Variants in DHX8 observed in about 807,000 individuals in gnomAD.
DHX8 encodes the protein ATP-dependent RNA helicase DHX8.
Under a neutral mutation model 140.7 loss-of-function variants are expected in DHX8, and 67 were observed. That is an observed-to-expected ratio of 0.48 (90% CI 0.39 to 0.58). The LOEUF (loss-of-function observed/expected upper bound fraction) is 0.58, where lower values mean the gene tolerates loss of function less well. DHX8 is among the 20% of genes least tolerant of loss of function. The pLI, the probability that DHX8 is intolerant of heterozygous loss-of-function variation, is 0.00. For missense variants in DHX8, 887 were observed against 1,550.7 expected (o/e 0.57, Z 7.19); for synonymous variants, 533 against 553.2 (o/e 0.96, Z 0.51).
chr17:43,523,639 A>T lies in DHX8; in HGVS notation c.3455A>T (p.His1152Leu), dbSNP rs570676257. 6.2e-7 allele frequency: 1 copy of T among 1,614,160 alleles called. No individual in the cohort carries two copies. The highest frequency in any genetic ancestry group is 8.5e-7 in the Non-Finnish European group (1 of 1,179,994). The change falls in exon 23 of 23, where the codon CAT becomes CTT. Residue 1152 changes from histidine to leucine, a missense_variant. His to Leu is a moderately conservative substitution (Grantham distance 99). Around this residue, in one of 9 missense-constraint regions of DHX8, gnomAD observed 101 missense variants for 168.2 expected, o/e 0.60. Transcript: ENST00000262415. ...CTGTCCCCCCTCAGGGTGGTGTACC[A>T]TGAGCTGGTGCTCACCACCAAGGAA... The part of the protein sequence containing the change: ...FNRQPEWVVY[H>L]ELVLTTKEYM...
intron 1 of DHX8, among the ~76,000 whole-genome samples, chr17:43,486,817 G>A (rs1968182159): frequency 6.6e-6 from 1 of 150,880 alleles, no homozygotes. Context: ...TGGGGAGGTT[G>A]CAGTGAGAGG....
chr17:43,530,396 G>C, downstream of DHX8: 1 of 1,431,426 alleles, frequency 7.0e-7, no homozygotes, highest in Non-Finnish European at 9.1e-7. Flanking sequence ...TGAGGGCTGC[G>C]GCTGAGGCCA....
intron 12 of DHX8, among the ~76,000 whole-genome samples, chr17:43,505,761 C>T (rs746857597): frequency 1.2e-4 from 18 of 151,994 alleles, no homozygotes; most frequent in Admixed American, 2.0e-4. Flanking sequence ...TAGAGTGCTT[C>T]GGTACTCTAT....
chr17:43,490,550 G>A, intron 3 of DHX8, 87 bp downstream of exon 3: 11 of 1,100,194 alleles, frequency 1.0e-5, no homozygotes, highest in Non-Finnish European at 1.5e-5. Flanking sequence ...CCTCTCAGCA[G>A]TTGCTGAGCA....
intron 2 of DHX8, chr17:43,533,338 G>A (rs1299418382): frequency 6.2e-7 from 1 of 1,613,156 alleles, no homozygotes; most frequent in South Asian, 1.1e-5. Context: ...TGTCTGGGGG[G>A]GTCATAGGCA....
chr17:43,501,674 G>A (rs1449995400), intron 11 of DHX8, among the ~76,000 whole-genome samples: 2 of 152,042 alleles, frequency 1.3e-5, no homozygotes, highest in African/African-American at 4.8e-5. Context: ...TAGTAGAGAC[G>A]AGGTTCCTCC....
chr17:43,497,506 C>CT (rs1415556875), intron 9 of DHX8, among the ~76,000 whole-genome samples: 2 of 152,064 alleles, frequency 1.3e-5, no homozygotes, highest in Non-Finnish European at 2.9e-5. Flanking sequence ...AATCCCAGCA[C>CT]TTTGGGAGGC....
At chr17:43,525,836 G>T (rs1384306336), downstream of DHX8, 3 of 985,208 alleles carry the variant, frequency 3.0e-6, no homozygotes, top group Non-Finnish European at 3.6e-6. Context: ...GGCCCAGCCT[G>T]TCCTGACTGA....
At chr17:43,531,140 G>T (rs1358182749), downstream of DHX8, among the ~76,000 whole-genome samples, 1 of 152,192 alleles carries the variant, frequency 6.6e-6, no homozygotes, top group Non-Finnish European at 1.5e-5. Flanking sequence ...AGCCTGGGGG[G>T]TTGTGGTTCA....
intron 8 of DHX8, among the ~76,000 whole-genome samples, chr17:43,495,572 C>G (rs1968807314): frequency 6.6e-6 from 1 of 152,184 alleles, no homozygotes; most frequent in African/African-American, 2.4e-5. Flanking sequence ...GCTGCCGTGT[C>G]TGGCCTACGT....
intron 1 of DHX8, 151 bp downstream of exon 1, chr17:43,484,336 T>A (rs1381431158): frequency 4.3e-6 from 4 of 939,940 alleles, no homozygotes; most frequent in Non-Finnish European, 6.3e-6. Flanking sequence ...GGGTACACGC[T>A]GCCGTGGCCT....
At position 43,523,692 on chromosome 17, in the gene DHX8, C is replaced by A; in HGVS notation, c.3508C>A (p.Pro1170Thr). 2 of 1,614,218 alleles carry A rather than the reference C, an allele frequency of 1.2e-6. No homozygotes were observed. Among genetic ancestry groups the A allele is most frequent in the Non-Finnish European group, 1.7e-6 (2 of 1,180,034 alleles). The change falls in exon 23 of 23, where the codon CCT becomes ACT. Residue 1170 changes from proline (P) to threonine (T), a missense_variant. Pro to Thr is a conservative substitution (Grantham distance 38). Around this residue, in one of 9 missense-constraint regions of DHX8, gnomAD observed 101 missense variants for 168.2 expected, o/e 0.60. Transcript: ENST00000262415. The stretch of plus-strand genomic sequence containing the variant: ...CATGCGTGAAGTTACCACCATCGAC[C>A]CTCGGTGGCTTGTGGAGTTTGCCCC... ...EYMREVTTID[P>T]RWLVEFAPAF...
At chr17:43,509,776 C>A (rs1412439113) in intron 16 of DHX8, among the ~76,000 whole-genome samples, 1 of 151,998 alleles carries the variant, frequency 6.6e-6, no homozygotes, top group African/African-American at 2.4e-5. Context: ...TCAAGCGATT[C>A]CCCCGCCTCA....
Position 43,492,806 on chromosome 17 carries a change from C to A in DHX8, c.629C>A (p.Ser210Tyr). 6.2e-7 allele frequency: 1 copy of A among 1,614,078 alleles called. No individual in the cohort carries two copies. Among genetic ancestry groups the A allele is most frequent in the East Asian group, 2.2e-5 (1 of 44,880 alleles). The change falls in exon 6 of 23, where the codon TCC becomes TAC. Residue 210 changes from serine to tyrosine, a missense_variant. By Grantham distance (144) the Ser-to-Tyr change is moderately radical (BLOSUM62 -2). This residue lies in a region of DHX8 where 304 missense variants were observed against 306.9 expected (regional missense o/e 0.99). Transcript: ENST00000262415. ...RRHRSRSRSR[S>Y]RTRERNKVKS... Reference sequence around the variant, plus strand: ...CACCGATCCCGCTCTCGATCACGTTCCAGGACCCGGGAGAGGAATAAAGTG... The same window carrying A: ...CACCGATCCCGCTCTCGATCACGTTACAGGACCCGGGAGAGGAATAAAGTG...
chr17:43,505,365 C>G (rs147767572), intron 12 of DHX8, among the ~76,000 whole-genome samples: 1 of 151,876 alleles, frequency 6.6e-6, no homozygotes, highest in Non-Finnish European at 1.5e-5. Flanking sequence ...GTCAAGATCA[C>G]GCCGCTGCAC....
At chr17:43,500,636 T>C in intron 11 of DHX8, among the ~76,000 whole-genome samples, 1 of 151,502 alleles carries the variant, frequency 6.6e-6, no homozygotes, top group East Asian at 2.0e-4. Flanking sequence ...AATGTTATTC[T>C]AGCGCGGTGT....
At chr17:43,525,735 G>C (rs1970590089), downstream of DHX8, 1 of 984,598 alleles carries the variant, frequency 1.0e-6, no homozygotes, top group Non-Finnish European at 1.2e-6. Context: ...CTCCTGAGTA[G>C]CTGGGACTAC....
At chr17:43,497,876 G>A (rs913820296) in intron 9 of DHX8, among the ~76,000 whole-genome samples, 11 of 152,114 alleles carry the variant, frequency 7.2e-5, no homozygotes, top group Non-Finnish European at 2.9e-5. Flanking sequence ...AGCAAGTTCC[G>A]CTTGGTGTTG....
chr17:43,486,925 T>G (rs34409913), intron 1 of DHX8, among the ~76,000 whole-genome samples: 42,690 of 151,128 alleles, frequency 0.28, 6,245 homozygotes, highest in African/African-American at 0.35. Flanking sequence ...AGAATGTGCT[T>G]CAGACTGCTT....
Sources: gnomAD v4.1 joint callset for allele counts (sites outside exome capture counted in the v4.1 genomes callset) on GRCh38, gnomAD v4.1.1 for gene constraint, gnomAD v4.1.1 regional missense constraint, MANE v1.5 for transcripts, NCBI Gene and HGNC (gene_info 2026-07-23, HGNC 2026-07-21) for gene names.